CCDC102B: variants seen among roughly 807,000 people sequenced by gnomAD.
The protein encoded by CCDC102B is coiled-coil domain containing 102B.
A neutral mutation model predicts 57.4 loss-of-function variants in CCDC102B; 75 were observed. The observed-to-expected ratio is 1.31, with a 90% CI of 1.08 to 1.58. The LOEUF (loss-of-function observed/expected upper bound fraction) is 1.58, where lower values mean the gene tolerates loss of function less well. Among genes scored for constraint, CCDC102B ranks in the 40% most tolerant of loss-of-function variants. The pLI is 0.00. For missense variants in CCDC102B, 636 were observed against 582.6 expected (o/e 1.09, Z -0.94); for synonymous variants, 206 against 201.9 (o/e 1.02, Z -0.17).
At chr18:69,056,107 G>A (rs1172792796), downstream of CCDC102B, among the ~76,000 whole-genome samples, 7 of 151,994 alleles carry the variant, frequency 4.6e-5, no homozygotes, top group Non-Finnish European at 1.0e-4. Flanking sequence ...TAATGATGAC[G>A]AAGTTGAGAT....
chr18:68,844,799 A>G (rs982759163), intron 3 of CCDC102B, among the ~76,000 whole-genome samples: 1 of 151,874 alleles, frequency 6.6e-6, no homozygotes, highest in African/African-American at 2.4e-5. Context: ...AAATTATATC[A>G]TTATAAGCAA....
chr18:69,009,923 G>GTTTTTTTTTTTT (rs2051457244), intron 6 of CCDC102B, among the ~76,000 whole-genome samples: 2 of 38,478 alleles, frequency 5.2e-5, no homozygotes, highest in Non-Finnish European at 6.8e-5. Context: ...TTTTAATAAA[G>GTTTTTTTTTTTT]ATTTTTTTTT....
rs1375616728 is a variant in CCDC102B at position 69,025,382 on chromosome 18, A to G, written c.1434+14278A>G. On this transcript the variant is annotated intron_variant, in intron 7 of 7. Coordinates refer to ENST00000360242, the MANE Select transcript of CCDC102B (RefSeq NM_024781.3). Reference sequence around the variant, plus strand: ...ATGTAGAGCTCAGAGACAAGTTTCAATGACAGACTTTGGCACCTATATTCA... The same window carrying G: ...ATGTAGAGCTCAGAGACAAGTTTCAGTGACAGACTTTGGCACCTATATTCA... Among the ~76,000 whole-genome samples the G allele has an allele frequency of 4.6e-5, 7 of 152,360 alleles. No individual in the cohort carries two copies. The East Asian group carries it at 9.6e-4, about 21-fold the overall frequency.
chr18:68,733,508 T>A (rs2169696), intron 2 of CCDC102B, among the ~76,000 whole-genome samples: 18,784 of 89,786 alleles, frequency 0.21, 1,872 homozygotes, highest in East Asian at 0.36. Flanking sequence ...ATATATATAT[T>A]TTTTTAACTT....
At chr18:68,811,796 G>A (rs556615342) in intron 1 of CCDC102B, among the ~76,000 whole-genome samples, 6 of 152,278 alleles carry the variant, frequency 3.9e-5, no homozygotes, top group South Asian at 2.1e-4. Flanking sequence ...CTGAGGTCAC[G>A]TGAAGCACAG....
intron 2 of CCDC102B, among the ~76,000 whole-genome samples, chr18:68,752,983 T>A (rs900611521): frequency 1.2e-4 from 18 of 152,152 alleles, no homozygotes; most frequent in African/African-American, 4.1e-4. Flanking sequence ...ACGAGACTAA[T>A]TTAAACCAGT....
intron 6 of CCDC102B, among the ~76,000 whole-genome samples, chr18:68,913,819 A>G (rs1391826010): frequency 1.3e-5 from 2 of 152,200 alleles, no homozygotes; most frequent in African/African-American, 4.8e-5. Flanking sequence ...CTCTGAAAAC[A>G]CATTCCTCCA....
intron 2 of CCDC102B, among the ~76,000 whole-genome samples, chr18:68,717,496 C>G (rs1183345541): frequency 6.6e-6 from 1 of 152,090 alleles, no homozygotes; most frequent in Non-Finnish European, 1.5e-5. Flanking sequence ...TAATTATATA[C>G]TTGGTTTGCA....
chr18:69,000,185 A>T (rs1665745057), intron 6 of CCDC102B, among the ~76,000 whole-genome samples: 1 of 152,240 alleles, frequency 6.6e-6, no homozygotes, highest in African/African-American at 2.4e-5. Context: ...GTATAAAACA[A>T]CAAATGTATG....
chr18:68,970,364 A>G (rs529395188), intron 6 of CCDC102B, among the ~76,000 whole-genome samples: 8 of 152,208 alleles, frequency 5.3e-5, no homozygotes, highest in African/African-American at 1.4e-4. Flanking sequence ...GTTTTATCCT[A>G]CATAATACTT....
intron 1 of CCDC102B, among the ~76,000 whole-genome samples, chr18:68,825,279 T>A (rs890411642): frequency 6.6e-6 from 1 of 152,220 alleles, no homozygotes; most frequent in Non-Finnish European, 1.5e-5. Context: ...GCTATTTGAA[T>A]AGAAAGCTTT....
intron 6 of CCDC102B, among the ~76,000 whole-genome samples, chr18:68,975,808 C>T (rs1288865903): frequency 6.6e-6 from 1 of 150,702 alleles, no homozygotes; most frequent in African/African-American, 2.4e-5. Flanking sequence ...TTCTTACGCT[C>T]AGGGAGGAAA....
intron 3 of CCDC102B, among the ~76,000 whole-genome samples, chr18:68,844,569 A>C (rs1041335135): frequency 6.6e-6 from 1 of 151,878 alleles, no homozygotes; most frequent in African/African-American, 2.4e-5. Context: ...TTCAATGTAA[A>C]TTCACAGGTC....
At chr18:68,880,287 G>A (rs183012960) in intron 5 of CCDC102B, among the ~76,000 whole-genome samples, 6 of 152,156 alleles carry the variant, frequency 3.9e-5, no homozygotes, top group African/African-American at 4.8e-5. Context: ...CAGCTGCTCC[G>A]AGTGCGGGGC....
At chr18:69,026,995 T>G (rs1437047516) in intron 7 of CCDC102B, among the ~76,000 whole-genome samples, 1 of 152,226 alleles carries the variant, frequency 6.6e-6, no homozygotes, top group Non-Finnish European at 1.5e-5. Flanking sequence ...GTCTTTCTGT[T>G]CCTCCACTTC....
intron 1 of CCDC102B, among the ~76,000 whole-genome samples, chr18:68,835,104 A>G (rs537775757): frequency 1.2e-4 from 18 of 152,260 alleles, no homozygotes; most frequent in Non-Finnish European, 2.2e-4. Context: ...CAAAAATTCT[A>G]CTTACTATAT....
intron 1 of CCDC102B, among the ~76,000 whole-genome samples, chr18:68,829,871 G>C (rs1394230972): frequency 6.6e-6 from 1 of 151,838 alleles, no homozygotes; most frequent in Non-Finnish European, 1.5e-5. Flanking sequence ...GATGAATTCA[G>C]TATTAAAGAA....
At chr18:69,023,073 A>G (rs1265725237) in intron 7 of CCDC102B, among the ~76,000 whole-genome samples, 1 of 152,208 alleles carries the variant, frequency 6.6e-6, no homozygotes, top group African/African-American at 2.4e-5. Context: ...GAGACAAGGC[A>G]AATGAAAAAT....
At chr18:68,940,826 T>A (rs903746242) in intron 6 of CCDC102B, among the ~76,000 whole-genome samples, 3 of 151,930 alleles carry the variant, frequency 2.0e-5, no homozygotes, top group African/African-American at 7.2e-5. Context: ...ATCAGTTTTG[T>A]GGCATATAGT....
Sources: allele counts gnomAD v4.1 joint callset (sites outside exome capture counted in the v4.1 genomes callset), GRCh38; gene constraint gnomAD v4.1.1; transcripts MANE v1.5; gene names NCBI Gene and HGNC (gene_info 2026-07-23, HGNC 2026-07-21).